Variants in KIAA0825 observed in about 807,000 individuals in gnomAD.
KIAA0825 encodes uncharacterized protein KIAA0825.
Under a neutral mutation model 147.6 loss-of-function variants are expected in KIAA0825, and 119 were observed. That is an observed-to-expected ratio of 0.81 (90% CI 0.69 to 0.94). The LOEUF (loss-of-function observed/expected upper bound fraction) is 0.94. Among genes scored for constraint, KIAA0825 ranks in the 40% least tolerant of loss-of-function variants. KIAA0825 has a pLI of 0.00. For missense variants in KIAA0825, 1,381 were observed against 1,472.7 expected (o/e 0.94, Z 1.02); for synonymous variants, 470 against 518.1 (o/e 0.91, Z 1.26).
intron 20 of KIAA0825, among the ~76,000 whole-genome samples, chr5:94,252,792 C>G (rs1776031431): frequency 6.6e-6 from 1 of 152,094 alleles, no homozygotes; most frequent in South Asian, 2.1e-4. Flanking sequence ...GCTTACATAC[C>G]TAGCAACTGT....
chr5:94,605,286 C>CA (rs1390417144), intron 1 of KIAA0825, among the ~76,000 whole-genome samples: 16 of 151,866 alleles, frequency 1.1e-4, no homozygotes, highest in Admixed American at 6.6e-5. Context: ...GCTTACCAAC[C>CA]AAAAAAAGCC....
At chr5:94,294,619 A>G (rs1778052897) in intron 20 of KIAA0825, among the ~76,000 whole-genome samples, 1 of 152,192 alleles carries the variant, frequency 6.6e-6, no homozygotes, top group Admixed American at 6.5e-5. Flanking sequence ...CCAGATACTC[A>G]GGAGGCTGAG....
intron 20 of KIAA0825, among the ~76,000 whole-genome samples, chr5:94,270,888 C>T (rs1776950093): frequency 6.6e-6 from 1 of 151,970 alleles, no homozygotes; most frequent in African/African-American, 2.4e-5. Flanking sequence ...CATGGGTTGA[C>T]AAGATATTAA....
rs143421323 is a variant in KIAA0825 at position 94,352,568 on chromosome 5, T to C, written c.3710+31800A>G. Among the ~76,000 whole-genome samples, 340 of 152,202 alleles carry C rather than the reference T, an allele frequency of 2.2e-3. 1 individual carries two copies. The highest frequency in any genetic ancestry group is 7.8e-3 in the African/African-American group (323 of 41,526). ...ATTTGATCCAGCAATCCCACTACTG[T>C]ATATCTACCCAGAGGGAAAAAAGTC... On this transcript the variant is annotated intron_variant, in intron 20 of 20. Transcript: ENST00000682413.
At chr5:94,311,008 T>C (rs1779121260) in intron 20 of KIAA0825, among the ~76,000 whole-genome samples, 1 of 151,698 alleles carries the variant, frequency 6.6e-6, no homozygotes, top group South Asian at 2.1e-4. Context: ...ATTAAAATCA[T>C]GCAGGGTCTA....
At chr5:94,243,261 G>T (rs1305008707) in intron 20 of KIAA0825, among the ~76,000 whole-genome samples, 1 of 152,118 alleles carries the variant, frequency 6.6e-6, no homozygotes, top group African/African-American at 2.4e-5. Context: ...AACCTTTGTG[G>T]GTTGAGAGGT....
In KIAA0825 at chr5:94,280,313, T is replaced by G. The variant is rs147816166; in HGVS notation, c.3710+104055A>C. On this transcript the variant is annotated intron_variant, in intron 20 of 20. Coordinates refer to ENST00000682413, the MANE Select transcript of KIAA0825 (RefSeq NM_001145678.3). Reference sequence around the variant, plus strand: ...TCTGTACTATACCAGAAATACAGTTTTTTATCTTATGGTAAAACTGAAACA... The same window carrying G: ...TCTGTACTATACCAGAAATACAGTTGTTTATCTTATGGTAAAACTGAAACA... Among the ~76,000 whole-genome samples, 995 of 152,190 alleles carry G rather than the reference T, an allele frequency of 6.5e-3. 10 individuals are homozygous for G. The highest frequency in any genetic ancestry group is 0.023 in the African/African-American group (944 of 41,554).
At chr5:94,472,291 A>G (rs1418526463) in intron 8 of KIAA0825, among the ~76,000 whole-genome samples, 2 of 152,100 alleles carry the variant, frequency 1.3e-5, no homozygotes, top group Non-Finnish European at 2.9e-5. Context: ...CCAATTTATT[A>G]TGTATCTTCT....
chr5:94,520,733 T>C lies in KIAA0825; in HGVS notation c.485A>G (p.Asp162Gly). 6.2e-7 allele frequency: 1 copy of C among 1,613,366 alleles called. No individual in the cohort carries two copies. The highest frequency in any genetic ancestry group is 1.1e-5 in the South Asian group (1 of 91,058). The change falls in exon 5 of 21, where the codon GAT becomes GGT. Residue 162 changes from aspartate to glycine, a missense_variant. Asp to Gly is a moderately conservative substitution (Grantham distance 94). Coordinates refer to ENST00000682413, the MANE Select transcript of KIAA0825 (RefSeq NM_001145678.3). ...GCGTCGAAGATGCAGTCTTATATCA[T>C]CCCACATAGACTTGACATCCATAGA... The part of the protein sequence containing the change: ...NSSMDVKSMW[D>G]DIRLHLRRFL...
At chr5:94,289,778 G>A (rs1009970111) in intron 20 of KIAA0825, among the ~76,000 whole-genome samples, 3 of 151,762 alleles carry the variant, frequency 2.0e-5, no homozygotes, top group East Asian at 1.9e-4. Context: ...AGTGACTCAC[G>A]TCTGCAATCC....
At chr5:94,206,171 C>T (rs1192263388) in intron 20 of KIAA0825, among the ~76,000 whole-genome samples, 1 of 152,058 alleles carries the variant, frequency 6.6e-6, no homozygotes, top group African/African-American at 2.4e-5. Flanking sequence ...TTTTGAAGAG[C>T]ATATATTCTA....
At chr5:94,264,944 G>C (rs951738567) in intron 20 of KIAA0825, among the ~76,000 whole-genome samples, 2 of 151,868 alleles carry the variant, frequency 1.3e-5, no homozygotes, top group Non-Finnish European at 2.9e-5. Flanking sequence ...CACCATGCCT[G>C]GCTAATTTTT....
Position 94,521,770 on chromosome 5 carries a change from C to T in KIAA0825, c.301-853G>A, listed in dbSNP as rs143762495. 4.1e-3 allele frequency among the ~76,000 whole-genome samples: 621 copies of T among 151,754 alleles called. 5 individuals are homozygous for T. Among genetic ancestry groups the T allele is most frequent in the African/African-American group, 0.014 (575 of 41,518 alleles). On this transcript the variant is annotated intron_variant, in intron 4 of 20. Transcript: ENST00000682413. ...CACATTCTGCTTCCATGCTGACTTT[C>T]CTAATTATGTCTATTTTAGCTAATA...
At chr5:94,612,462 CTT>C (rs374398948) in intron 1 of KIAA0825, among the ~76,000 whole-genome samples, 359 of 152,208 alleles carry the variant, frequency 2.4e-3, no homozygotes, top group African/African-American at 8.5e-3. Flanking sequence ...CCTTCCTTCT[CTT>C]CTTTTTAGGC....
chr5:94,527,490 G>A (rs775957522), intron 3 of KIAA0825, among the ~76,000 whole-genome samples: 6 of 151,832 alleles, frequency 4.0e-5, no homozygotes, highest in Admixed American at 6.6e-5. Context: ...GTGCTTTCAT[G>A]GAATGTTAGA....
intron 1 of KIAA0825, among the ~76,000 whole-genome samples, chr5:94,590,268 T>C (rs949274596): frequency 1.3e-5 from 2 of 152,192 alleles, no homozygotes; most frequent in African/African-American, 4.8e-5. Flanking sequence ...GTGCTGGGAT[T>C]ACAGGCATGA....
chr5:94,190,121 A>G (rs1770530001), intron 20 of KIAA0825, among the ~76,000 whole-genome samples: 1 of 152,046 alleles, frequency 6.6e-6, no homozygotes, highest in Non-Finnish European at 1.5e-5. Context: ...TTTTATATTG[A>G]CTTTGTATCC....
At chr5:94,237,056 T>TGTG (rs1347636512) in intron 20 of KIAA0825, among the ~76,000 whole-genome samples, 1 of 151,862 alleles carries the variant, frequency 6.6e-6, no homozygotes, top group African/African-American at 2.4e-5. Context: ...TGTGTGTGTG[T>TGTG]GTGTGTGTGT....
intron 3 of KIAA0825, among the ~76,000 whole-genome samples, chr5:94,531,244 A>G (rs964304877): frequency 1.3e-5 from 2 of 152,350 alleles, no homozygotes; most frequent in South Asian, 4.1e-4. Context: ...CTCCTAAAGC[A>G]GAGGTCTACA....
Sources: allele counts gnomAD v4.1 joint callset (sites outside exome capture counted in the v4.1 genomes callset), GRCh38; gene constraint gnomAD v4.1.1; transcripts MANE v1.5; gene names NCBI Gene and HGNC (gene_info 2026-07-23, HGNC 2026-07-21).